DLG2: variants seen among roughly 807,000 people sequenced by gnomAD.
DLG2 encodes the protein discs large MAGUK scaffold protein 2.
Under a neutral mutation model 132.5 loss-of-function variants are expected in DLG2, and 45 were observed. The ratio of observed to expected loss-of-function variants is 0.34; its 90% CI spans 0.27 to 0.44. DLG2 has a LOEUF of 0.44. Ranked by LOEUF, DLG2 falls within the 20% of genes least tolerant of loss-of-function variation. DLG2 has a pLI of 1.00. For missense variants in DLG2, 1,045 were observed against 1,196.9 expected, an observed-to-expected ratio of 0.87 and a Z score of 1.87; for synonymous variants, 424 against 419.6, an observed-to-expected ratio of 1.01 and a Z score of -0.13.
chr11:84,787,521 A>C (rs2073116733), intron 6 of DLG2, among the ~76,000 whole-genome samples: 1 of 152,188 alleles, frequency 6.6e-6, no homozygotes, highest in Non-Finnish European at 1.5e-5. Context: ...ATGAGGAAGA[A>C]ATAAATGCTT....
chr11:84,470,493 G>C (rs1360219898), intron 7 of DLG2, among the ~76,000 whole-genome samples: 3 of 151,728 alleles, frequency 2.0e-5, no homozygotes, highest in Non-Finnish European at 4.4e-5. Context: ...GTCATTTACT[G>C]AGATAAGTGC....
At chr11:84,418,083 C>T (rs1047221735) in intron 7 of DLG2, among the ~76,000 whole-genome samples, 2 of 152,118 alleles carry the variant, frequency 1.3e-5, no homozygotes, top group African/African-American at 4.8e-5. Context: ...GCTCTTTGAC[C>T]ATAACCATTT....
At chr11:84,316,800 G>C (rs768947813) in intron 7 of DLG2, 2 of 1,575,934 alleles carry the variant, frequency 1.3e-6, no homozygotes, top group Non-Finnish European at 1.7e-6. Flanking sequence ...GACACTCAAG[G>C]GAAAGTCATA....
intron 17 of DLG2, among the ~76,000 whole-genome samples, chr11:83,811,054 G>C (rs1388411726): frequency 1.3e-5 from 2 of 152,052 alleles, no homozygotes; most frequent in African/African-American, 2.4e-5. Flanking sequence ...GTAATAGAAG[G>C]GAAAGAGTGT....
intron 6 of DLG2, among the ~76,000 whole-genome samples, chr11:84,540,839 C>G (rs2099366827): frequency 6.6e-6 from 1 of 152,278 alleles, no homozygotes; most frequent in Non-Finnish European, 1.5e-5. Context: ...GGCACATATA[C>G]ACCATGGAAT....
intron 21 of DLG2, among the ~76,000 whole-genome samples, chr11:83,514,117 G>A (rs979457734): frequency 5.9e-5 from 9 of 152,124 alleles, no homozygotes; most frequent in Non-Finnish European, 1.3e-4. Context: ...AATTACCTTG[G>A]GCAGTATGGC....
intron 11 of DLG2, among the ~76,000 whole-genome samples, chr11:84,057,407 A>AT: frequency 6.6e-6 from 1 of 152,140 alleles, no homozygotes; most frequent in Non-Finnish European, 1.5e-5. Context: ...TATAATATAT[A>AT]TTTTTAATAG....
chr11:84,923,802 G>C (rs1417121078), intron 6 of DLG2, among the ~76,000 whole-genome samples: 1 of 152,108 alleles, frequency 6.6e-6, no homozygotes, highest in African/African-American at 2.4e-5. Context: ...GTGATCTGTG[G>C]TTAAAGGACT....
intron 6 of DLG2, among the ~76,000 whole-genome samples, chr11:84,555,527 T>A (rs2099410233): frequency 1.3e-5 from 2 of 152,154 alleles, no homozygotes; most frequent in Non-Finnish European, 2.9e-5. Flanking sequence ...TGGACATATC[T>A]TAAGGACATT....
intron 18 of DLG2, among the ~76,000 whole-genome samples, chr11:83,753,874 T>TAC (rs2093516235): frequency 1.1e-5 from 1 of 87,770 alleles, no homozygotes; most frequent in Non-Finnish European, 2.0e-5. Context: ...TTCATATATA[T>TAC]GATATATATC....
At chr11:85,169,634 T>A (rs546671733) in intron 4 of DLG2, among the ~76,000 whole-genome samples, 1 of 152,178 alleles carries the variant, frequency 6.6e-6, no homozygotes, top group Non-Finnish European at 1.5e-5. Context: ...GAATGGGACC[T>A]TAAGAACAGA....
chr11:83,487,856 T>C lies in DLG2; in HGVS notation c.2194-3628A>G, dbSNP rs955072753. Reference sequence around the variant, plus strand: ...GCCATGAACGGCAATTAAAAGGTAATTGCCCATTAACTGGCAAATCTGTGG... The same window carrying C: ...GCCATGAACGGCAATTAAAAGGTAACTGCCCATTAACTGGCAAATCTGTGG... On this transcript the variant is annotated intron_variant, in intron 21 of 27. Transcript: ENST00000376104. Among the ~76,000 whole-genome samples, 4 of 152,140 alleles carry C rather than the reference T, an allele frequency of 2.6e-5. No homozygotes were observed. In the South Asian group the frequency reaches 8.3e-4, roughly 32 times the overall value.
At position 85,372,349 on chromosome 11, in the gene DLG2, C is replaced by G. The variant is rs573297455; in HGVS notation, c.41-86984G>C. 2.0e-5 allele frequency among the ~76,000 whole-genome samples: 3 copies of G among 152,334 alleles called. No homozygotes were observed. In the South Asian group the frequency reaches 6.2e-4, roughly 32 times the overall value. On this transcript the variant is annotated intron_variant, in intron 3 of 27. Coordinates refer to ENST00000376104, the MANE Select transcript of DLG2 (RefSeq NM_001142699.3). ...CCAATTATCTGGGTGTGTAACAAGA[C>G]ATCCTTTCCTCTCCCTTGGAGGAGA... is the stretch of plus-strand genomic sequence containing the variant.
At chr11:84,243,218 T>C (rs74818442) in intron 8 of DLG2, among the ~76,000 whole-genome samples, 3,147 of 152,304 alleles carry the variant, frequency 0.021, 52 homozygotes, top group Non-Finnish European at 0.035. Context: ...TTAGCCCTAC[T>C]GGCTACTAAG....
intron 3 of DLG2, among the ~76,000 whole-genome samples, chr11:85,553,609 G>C (rs1027700185): frequency 6.6e-6 from 1 of 151,454 alleles, no homozygotes; most frequent in African/African-American, 2.4e-5. Context: ...ATGATGTGTG[G>C]AGGAAACTAC....
intron 3 of DLG2, among the ~76,000 whole-genome samples, chr11:85,498,117 T>TA (rs2093710562): frequency 6.6e-6 from 1 of 152,154 alleles, no homozygotes; most frequent in South Asian, 2.1e-4. Flanking sequence ...ATGCCCCAAT[T>TA]AAAAGACACA....
intron 6 of DLG2, among the ~76,000 whole-genome samples, chr11:84,797,414 T>C (rs2153951476): frequency 6.6e-6 from 1 of 152,290 alleles, no homozygotes; most frequent in African/African-American, 2.4e-5. Context: ...CTTCATTCTT[T>C]TTTGTATGTT....
At chr11:84,414,680 A>C (rs7101978) in intron 7 of DLG2, among the ~76,000 whole-genome samples, 23,798 of 152,108 alleles carry the variant, frequency 0.16, 3,532 homozygotes, top group African/African-American at 0.39. Flanking sequence ...GAGAAAATAA[A>C]ACAGATATAA....
chr11:84,781,730 T>C (rs919772358), intron 6 of DLG2, among the ~76,000 whole-genome samples: 4 of 152,144 alleles, frequency 2.6e-5, no homozygotes, highest in Non-Finnish European at 5.9e-5. Context: ...TATTCATGTT[T>C]AGAGTGGACC....
Sources: gnomAD v4.1 joint callset for allele counts (sites outside exome capture counted in the v4.1 genomes callset) on GRCh38, gnomAD v4.1.1 for gene constraint, MANE v1.5 for transcripts, NCBI Gene and HGNC (gene_info 2026-07-23, HGNC 2026-07-21) for gene names.